EIF4H: variants seen among roughly 807,000 people sequenced by gnomAD.
The protein encoded by EIF4H is eukaryotic translation initiation factor 4H.
In EIF4H, 8 loss-of-function variants were observed where a neutral mutation model predicts 30.6. That is an observed-to-expected ratio of 0.26 (90% CI 0.15 to 0.47). The LOEUF (loss-of-function observed/expected upper bound fraction) is 0.47. Among genes scored for constraint, EIF4H ranks in the 20% least tolerant of loss-of-function variants. EIF4H has a pLI of 0.99. For missense variants in EIF4H, 188 were observed against 339.5 expected (o/e 0.55, Z 3.51); for synonymous variants, 106 against 122.7 (o/e 0.86, Z 0.90).
At chr7:74,187,961 A>ATAGG (rs1362473951) in intron 2 of EIF4H, among the ~76,000 whole-genome samples, 163 bp downstream of exon 2, 1 of 152,218 alleles carries the variant, frequency 6.6e-6, no homozygotes, top group Non-Finnish European at 1.5e-5. Context: ...TCTTCAACTC[A>ATAGG]TAGGTCTTCA....
chr7:74,193,996 C>G (rs1322003090), intron 5 of EIF4H, among the ~76,000 whole-genome samples: 1 of 152,218 alleles, frequency 6.6e-6, no homozygotes, highest in Non-Finnish European at 1.5e-5. Flanking sequence ...AGAAAATACT[C>G]TTTCCTCCTA....
At chr7:74,184,727 G>T (rs139748125) in intron 1 of EIF4H, among the ~76,000 whole-genome samples, 4 of 151,940 alleles carry the variant, frequency 2.6e-5, no homozygotes, top group African/African-American at 9.7e-5. Flanking sequence ...GTTTTTTTGA[G>T]ATGGAGTCTC....
chr7:74,193,490 A>T (rs191338372), intron 5 of EIF4H, among the ~76,000 whole-genome samples: 1 of 152,172 alleles, frequency 6.6e-6, no homozygotes, highest in Admixed American at 6.6e-5. Context: ...CTCAAAGACA[A>T]GCTCCCTGAA....
At chr7:74,174,527 G>C in intron 1 of EIF4H, 85 bp downstream of exon 1, 1 of 1,165,662 alleles carries the variant, frequency 8.6e-7, no homozygotes, top group East Asian at 3.8e-5. Flanking sequence ...CCTGCGCTCA[G>C]CCGGGGCGGC....
chr7:74,176,997 G>A (rs573959202), intron 1 of EIF4H, among the ~76,000 whole-genome samples: 4 of 152,294 alleles, frequency 2.6e-5, no homozygotes, highest in African/African-American at 7.2e-5. Flanking sequence ...GAAAACCACC[G>A]ATCCTGAGAA....
rs1554709605 is a variant in EIF4H, at chr7:74,189,702, G to T, written c.277G>T (p.Asp93Tyr). Reference protein sequence around the residue: ...GFCYVEFDEVDSLKEALTYDG... With the variant: ...GFCYVEFDEVYSLKEALTYDG... The stretch of plus-strand genomic sequence containing the variant: ...CTGCTATGTAGAATTCGATGAAGTG[G>T]ATTCCCTTAAGGAAGCCTTGACATA... Residue 93 changes from aspartate to tyrosine, a missense_variant, in exon 3 of 7, where the codon GAT becomes TAT. By Grantham distance (160) the Asp-to-Tyr change is radical. Around this residue, in one of 4 missense-constraint regions of EIF4H, gnomAD observed 52 missense variants for 143.9 expected, o/e 0.36. Transcript: ENST00000265753. 6.2e-7 allele frequency: 1 copy of T among 1,614,166 alleles called. No individual in the cohort carries two copies. The highest frequency in any genetic ancestry group is 1.7e-5 in the Admixed American group (1 of 60,024).
At chr7:74,181,577 A>G (rs1402485525) in intron 1 of EIF4H, among the ~76,000 whole-genome samples, 1 of 151,994 alleles carries the variant, frequency 6.6e-6, no homozygotes, top group Non-Finnish European at 1.5e-5. Context: ...GATTACAGGC[A>G]TGTGCCACCA....
At chr7:74,186,556 G>A (rs1212994723) in intron 1 of EIF4H, among the ~76,000 whole-genome samples, 3 of 152,102 alleles carry the variant, frequency 2.0e-5, no homozygotes, top group Non-Finnish European at 2.9e-5. Context: ...TCATATGCTA[G>A]TAAGTGACAG....
chr7:74,175,274 T>C (rs1294593852), intron 1 of EIF4H, among the ~76,000 whole-genome samples: 1 of 152,222 alleles, frequency 6.6e-6, no homozygotes, highest in Non-Finnish European at 1.5e-5. Flanking sequence ...CTCTGCACTT[T>C]TTTTTATTTT....
At chr7:74,192,190 A>G (rs1554710067) in intron 5 of EIF4H, among the ~76,000 whole-genome samples, 1 of 152,162 alleles carries the variant, frequency 6.6e-6, no homozygotes, top group Non-Finnish European at 1.5e-5. Flanking sequence ...CTCATAGTAA[A>G]GGGTGTAAAT....
At chr7:74,191,602 G>T (rs969693001) in intron 5 of EIF4H, among the ~76,000 whole-genome samples, 7 of 151,842 alleles carry the variant, frequency 4.6e-5, no homozygotes, top group African/African-American at 1.7e-4. Flanking sequence ...TAATAGGATG[G>T]TGCTATTTTT....
rs1688195878 is a variant in EIF4H, at chr7:74,195,820, G to GT, written c.*514dup. 6.5e-6 allele frequency: 1 copy of GT among 154,906 alleles called. No homozygotes were observed. Among genetic ancestry groups the GT allele is most frequent in the African/African-American group, 2.4e-5 (1 of 41,496 alleles). The allele number at this position is 154,906 out of a possible 1,614,324, so 9.6% of individuals were successfully genotyped here. A position where few individuals can be genotyped will look rare whatever the true frequency, so the allele number is the denominator to read the frequency against. ...TGACAGAGGGAACAGCAGAGACCTT[G>GT]TTGGTATTCAGCTGTGATGGATATA... On this transcript the variant is annotated 3_prime_UTR_variant, in exon 7 of 7. Coordinates refer to ENST00000265753, the MANE Select transcript of EIF4H (RefSeq NM_022170.2).
chr7:74,182,041 T>A (rs1459138531), intron 1 of EIF4H, among the ~76,000 whole-genome samples: 1 of 152,226 alleles, frequency 6.6e-6, no homozygotes, highest in African/African-American at 2.4e-5. Context: ...TACTTGAGTA[T>A]GTTTCTAACA....
chr7:74,190,937 A>G (rs566868722), intron 5 of EIF4H, among the ~76,000 whole-genome samples: 2 of 152,320 alleles, frequency 1.3e-5, no homozygotes, highest in East Asian at 3.9e-4. Context: ...CACATGATAA[A>G]AACTTCAGTT....
chr7:74,187,683 A>T lies in EIF4H; in HGVS notation c.132A>T (p.Ala44=). 6.2e-7 allele frequency: 1 copy of T among 1,613,848 alleles called. No individual in the cohort carries two copies. The highest frequency in any genetic ancestry group is 8.5e-7 in the Non-Finnish European group (1 of 1,179,806). ...KELPTEPPYT[A]YVGNLPFNTV... is the part of the protein sequence containing the mutation. ...TGCCCACAGAGCCCCCCTACACAGC[A>T]TACGTAGGAAATCTACCTTTCAATA... Residue 44 remains alanine, a synonymous_variant, in exon 2 of 7, where the codon GCA becomes GCT. Transcript: ENST00000265753.
chr7:74,176,544 A>G (rs1366379617), intron 1 of EIF4H, among the ~76,000 whole-genome samples: 4 of 152,256 alleles, frequency 2.6e-5, no homozygotes, highest in Non-Finnish European at 4.4e-5. Context: ...CTTGTCTAAA[A>G]TGCCTCAGAC....
chr7:74,186,834 T>A (rs1051855783), intron 1 of EIF4H, among the ~76,000 whole-genome samples: 1 of 96,252 alleles, frequency 1.0e-5, no homozygotes, highest in Non-Finnish European at 2.0e-5. Context: ...TTTTTTTTTT[T>A]TTTTTTGAGA....
chr7:74,189,207 C>G (rs539613052), intron 2 of EIF4H, among the ~76,000 whole-genome samples: 1 of 152,186 alleles, frequency 6.6e-6, no homozygotes, highest in Non-Finnish European at 1.5e-5. Flanking sequence ...CCCTGATTGC[C>G]AAGGATATAT....
intron 1 of EIF4H, among the ~76,000 whole-genome samples, chr7:74,186,393 A>G (rs1801081280): frequency 6.6e-6 from 1 of 152,042 alleles, no homozygotes; most frequent in African/African-American, 2.4e-5. Flanking sequence ...TTGTATTTTT[A>G]GTAGAGACAG....
Sources: allele counts gnomAD v4.1 joint callset (sites outside exome capture counted in the v4.1 genomes callset), GRCh38; gene constraint gnomAD v4.1.1; regional missense constraint gnomAD v4.1.1; transcripts MANE v1.5; gene names NCBI Gene and HGNC (gene_info 2026-07-23, HGNC 2026-07-21).